PHYHIPL: variants seen among roughly 807,000 people sequenced by gnomAD.
The protein encoded by PHYHIPL is phytanoyl-CoA 2-hydroxylase interacting protein like, also known as phytanoyl-CoA hydroxylase-interacting protein-like.
PHYHIPL carries 9 observed loss-of-function variants against 33.4 expected under a neutral mutation model. The observed-to-expected ratio is 0.27, with a 90% CI of 0.16 to 0.47. The LOEUF is 0.47. PHYHIPL is among the 20% of genes least tolerant of loss of function. The pLI is 0.99. For synonymous variants in PHYHIPL, 153 were observed against 154.1 expected, an observed-to-expected ratio of 0.99 and a Z score of 0.05; for missense variants, 365 against 460.7, an observed-to-expected ratio of 0.79 and a Z score of 1.90.
chr10:59,235,169 T>A (rs1840187391), intron 2 of PHYHIPL, among the ~76,000 whole-genome samples: 1 of 151,282 alleles, frequency 6.6e-6, no homozygotes, highest in Admixed American at 6.6e-5. Context: ...AGTAGTCTGC[T>A]GTCTTTTGCC....
intron 4 of PHYHIPL, among the ~76,000 whole-genome samples, chr10:59,240,445 G>A (rs190919651): frequency 6.6e-6 from 1 of 151,638 alleles, no homozygotes; most frequent in African/African-American, 2.4e-5. Context: ...AACATTTTCA[G>A]ATAACTTACG....
chr10:59,237,899 AG>A (rs957064070), intron 3 of PHYHIPL, among the ~76,000 whole-genome samples: 1 of 151,950 alleles, frequency 6.6e-6, no homozygotes, highest in Non-Finnish European at 1.5e-5. Flanking sequence ...AATTTTGCAT[AG>A]TACCTTTTAC....
At chr10:59,244,575 A>AAAAAAAAAAAAAAAAAAAAAAAAC (rs1840571250) in intron 4 of PHYHIPL, among the ~76,000 whole-genome samples, 2 of 147,288 alleles carry the variant, frequency 1.4e-5, no homozygotes, top group Non-Finnish European at 3.0e-5. Flanking sequence ...AAAAAAAAAA[A>AAAAAAAAAAAAAAAAAAAAAAAAC]AAAAAAAAAA....
chr10:59,174,658 A>C (rs1040202812), upstream of PHYHIPL, among the ~76,000 whole-genome samples: 1 of 152,194 alleles, frequency 6.6e-6, no homozygotes, highest in Admixed American at 6.5e-5. Context: ...TTCCGATTAC[A>C]CAAATATTCT....
chr10:59,238,535 T>C, intron 3 of PHYHIPL, 53 bp from the exon 4 acceptor site: 1 of 984,338 alleles, frequency 1.0e-6, no homozygotes, highest in Non-Finnish European at 1.6e-6. Context: ...AAGTATATGG[T>C]TGGTACTTTT....
intron 1 of PHYHIPL, among the ~76,000 whole-genome samples, chr10:59,226,241 T>C (rs1839918525): frequency 6.6e-6 from 1 of 151,912 alleles, no homozygotes; most frequent in South Asian, 2.1e-4. Flanking sequence ...ATCAGAGAGA[T>C]GGGAGAAACA....
chr10:59,185,177 A>T (rs1320128938), intron 1 of PHYHIPL, among the ~76,000 whole-genome samples: 2 of 151,416 alleles, frequency 1.3e-5, no homozygotes, highest in Non-Finnish European at 2.9e-5. Flanking sequence ...TTTTTAGTAG[A>T]GACGGGGTTT....
At chr10:59,210,730 AATACT>A (rs1374401929) in intron 1 of PHYHIPL, among the ~76,000 whole-genome samples, 1 of 152,202 alleles carries the variant, frequency 6.6e-6, no homozygotes, top group African/African-American at 2.4e-5. Context: ...TACACCATGG[AATACT>A]ATGTGGCCAT....
chr10:59,208,193 A>G (rs1839342813), intron 1 of PHYHIPL, among the ~76,000 whole-genome samples: 4 of 152,236 alleles, frequency 2.6e-5, no homozygotes, highest in African/African-American at 9.6e-5. Flanking sequence ...CATCTGGCGG[A>G]TGCCCTTCTG....
chr10:59,234,014 C>T (rs1190526060), intron 1 of PHYHIPL, among the ~76,000 whole-genome samples: 1 of 151,610 alleles, frequency 6.6e-6, no homozygotes, highest in East Asian at 1.9e-4. Context: ...GCTTAAAACA[C>T]CTGATACTAC....
At chr10:59,224,632 C>G (rs1285729829) in intron 1 of PHYHIPL, among the ~76,000 whole-genome samples, 4 of 152,102 alleles carry the variant, frequency 2.6e-5, no homozygotes, top group African/African-American at 7.2e-5. Flanking sequence ...TTAGACAAAT[C>G]CAGAAAATTT....
At chr10:59,240,413 A>G (rs909608533) in intron 4 of PHYHIPL, among the ~76,000 whole-genome samples, 8 of 152,034 alleles carry the variant, frequency 5.3e-5, no homozygotes, top group Non-Finnish European at 1.2e-4. Flanking sequence ...ACAAAACATC[A>G]TAGCTTAGCC....
At chr10:59,209,214 A>T (rs1411342225) in intron 1 of PHYHIPL, among the ~76,000 whole-genome samples, 4 of 152,264 alleles carry the variant, frequency 2.6e-5, no homozygotes, top group Non-Finnish European at 5.9e-5. Context: ...AGCCCATCAG[A>T]CTAACAGCTG....
At chr10:59,175,047 T>TA (rs1838225824), upstream of PHYHIPL, among the ~76,000 whole-genome samples, 1 of 152,308 alleles carries the variant, frequency 6.6e-6, no homozygotes, top group East Asian at 1.9e-4. Context: ...GAGACTACTC[T>TA]AAAAAATGAA....
intron 1 of PHYHIPL, among the ~76,000 whole-genome samples, chr10:59,198,640 A>T (rs1331955878): frequency 6.6e-6 from 1 of 152,220 alleles, no homozygotes; most frequent in Non-Finnish European, 1.5e-5. Context: ...ACTGTCTCCC[A>T]CAATGGTTGA....
intron 1 of PHYHIPL, among the ~76,000 whole-genome samples, chr10:59,202,377 C>G (rs554518273): frequency 3.4e-4 from 52 of 152,206 alleles, no homozygotes; most frequent in African/African-American, 1.1e-3. Context: ...AAAAGTTATT[C>G]CATGTCAACT....
chr10:59,174,166 T>C (rs188051780), upstream of PHYHIPL, among the ~76,000 whole-genome samples: 202 of 152,150 alleles, frequency 1.3e-3, 1 homozygote, highest in South Asian at 6.4e-3. Context: ...TGGATATTTC[T>C]AAAGCCACAA....
upstream of PHYHIPL, among the ~76,000 whole-genome samples, chr10:59,173,624 T>C (rs1325100504): frequency 1.3e-5 from 2 of 152,178 alleles, no homozygotes; most frequent in Non-Finnish European, 2.9e-5. Flanking sequence ...TGTCTGAGCA[T>C]GCACTTCTTC....
chr10:59,190,037 T>A (rs1838741160), intron 1 of PHYHIPL, among the ~76,000 whole-genome samples: 1 of 152,020 alleles, frequency 6.6e-6, no homozygotes, highest in Non-Finnish European at 1.5e-5. Context: ...GGAGAACGTT[T>A]GTTTTATTAT....
Sources: allele counts gnomAD v4.1 joint callset (sites outside exome capture counted in the v4.1 genomes callset), GRCh38; gene constraint gnomAD v4.1.1; transcripts MANE v1.5; gene names NCBI Gene and HGNC (gene_info 2026-07-23, HGNC 2026-07-21).